PSG11: variants seen among roughly 807,000 people sequenced by gnomAD.
The protein encoded by PSG11 is pregnancy-specific beta-1-glycoprotein 11.
In PSG11, 42 loss-of-function variants were observed where a neutral mutation model predicts 36.0. That is an observed-to-expected ratio of 1.17 (90% CI 0.91 to 1.51). The LOEUF (loss-of-function observed/expected upper bound fraction) is 1.51. Ranked by LOEUF, PSG11 falls within the 40% of genes most tolerant of loss-of-function variation. PSG11 has a pLI of 0.00. For missense variants in PSG11, 558 were observed against 403.5 expected (o/e 1.38, Z -3.28); for synonymous variants, 206 against 153.5 (o/e 1.34, Z -2.53).
chr19:43,026,338 T>TG lies in PSG11; in HGVS notation c.34dup (p.His12ProfsTer28). 1 of 1,611,212 alleles carries TG rather than the reference T, an allele frequency of 6.2e-7. No homozygotes were observed. Among genetic ancestry groups the TG allele is most frequent in the East Asian group, 2.2e-5 (1 of 44,710 alleles). ...GAGCAGGAGCCCCTTCCATTTGATG[T>TG]GCTCTGTGCAGGGAGGGGCTGAGAG... On this transcript the variant is annotated frameshift_variant, in exon 1 of 6. Transcript: ENST00000320078. LOFTEE classifies it high-confidence loss of function.
At position 43,014,774 on chromosome 19, in the gene PSG11, G is replaced by A. The variant is rs1966915464; in HGVS notation, c.964+342C>T. ...GGAAGAGGTACAAGAAAACAAAGACGTGACAGAAGGGGATGAGTTGGTGAC... is the reference window on the plus strand; with the variant it reads ...GGAAGAGGTACAAGAAAACAAAGACATGACAGAAGGGGATGAGTTGGTGAC... On this transcript the variant is annotated intron_variant, in intron 4 of 5. Transcript: ENST00000320078. The A allele has an allele frequency of 7.4e-6, 9 of 1,212,376 alleles. 1 individual carries two copies. The highest frequency in any genetic ancestry group is 6.2e-5 in the African/African-American group (4 of 64,080). 75.1% of individuals were successfully genotyped at this position (1,212,376 alleles called of 1,614,324 possible).
At position 43,011,883 on chromosome 19, in the gene PSG11, G is replaced by T. The variant is rs993219763; in HGVS notation, c.965-1842C>A. On this transcript the variant is annotated intron_variant, in intron 4 of 5. Coordinates refer to ENST00000320078, the MANE Select transcript of PSG11 (RefSeq NM_002785.3). ...TCCATCCTGGGCTGGCCTACAGAGTGAGAGTCTGTCTCTCTCTCTTAAAAA... is the reference window on the plus strand; with the variant it reads ...TCCATCCTGGGCTGGCCTACAGAGTTAGAGTCTGTCTCTCTCTCTTAAAAA... 2.0e-5 allele frequency among the ~76,000 whole-genome samples: 3 copies of T among 147,146 alleles called. 1 individual carries two copies. Among genetic ancestry groups the T allele is most frequent in the African/African-American group, 7.6e-5 (3 of 39,466 alleles).
intron 4 of PSG11, among the ~76,000 whole-genome samples, chr19:43,012,529 T>C (rs1275345671): frequency 6.7e-6 from 1 of 149,280 alleles, no homozygotes; most frequent in Non-Finnish European, 1.5e-5. Flanking sequence ...TTAAGAAAAA[T>C]AATTTCAATT....
chr19:43,015,452 C>G (rs1407008885), intron 3 of PSG11, 82 bp from the exon 4 acceptor site: 2 of 1,488,280 alleles, frequency 1.3e-6, no homozygotes, highest in Non-Finnish European at 1.8e-6. Context: ...ACACAGTGAC[C>G]CTCTGAGCCA....
chr19:43,021,117 A>T (rs1463649814), intron 2 of PSG11, among the ~76,000 whole-genome samples: 1 of 151,472 alleles, frequency 6.6e-6, no homozygotes, highest in African/African-American at 2.4e-5. Flanking sequence ...ATTCCTCTTA[A>T]GTATGTGTTA....
intron 4 of PSG11, among the ~76,000 whole-genome samples, chr19:43,012,216 G>T (rs562209254): frequency 1.3e-5 from 2 of 151,338 alleles, no homozygotes; most frequent in East Asian, 1.9e-4. Context: ...AAGACTGAAA[G>T]CTTCCCCTCT....
intron 2 of PSG11, among the ~76,000 whole-genome samples, chr19:43,020,223 TAAAAC>T (rs1426495626): frequency 6.6e-6 from 1 of 151,496 alleles, no homozygotes; most frequent in East Asian, 1.9e-4. Context: ...GCAGAAAGGT[TAAAAC>T]AAAGTGTTTT....
At chr19:43,013,743 C>T (rs1966888553) in intron 4 of PSG11, among the ~76,000 whole-genome samples, 2 of 151,270 alleles carry the variant, frequency 1.3e-5, no homozygotes, top group South Asian at 2.1e-4. Flanking sequence ...CAATGAATTA[C>T]CATTTGATCC....
rs112033008 is a variant in PSG11 at position 43,018,966 on chromosome 19, A to G, written c.513T>C (p.Pro171=). ...AMETVILTCN[P]ETPDASYLWW... ...ACAGGTAGCTTGCGTCCGGAGTCTC[A>G]GGATTACAGGTTAAGATCACAGTCT... The change falls in exon 3 of 6, where the codon CCT becomes CCC. Residue 171 remains proline, a synonymous_variant. Transcript: ENST00000320078. 54 of 1,612,010 alleles carry G rather than the reference A, an allele frequency of 3.3e-5. 1 individual carries two copies. In the African/African-American group the frequency reaches 5.9e-4, roughly 18 times the overall value.
rs757225936 is a variant in PSG11 at position 43,025,073 on chromosome 19, G to A, written c.65-17C>T. 83 of 1,603,812 alleles carry A rather than the reference G, an allele frequency of 5.2e-5. 1 individual carries two copies. The highest frequency in any genetic ancestry group is 6.8e-5 in the African/African-American group (5 of 73,914). Reference sequence around the variant, plus strand: ...AAAGTAATGCTAGGAGGTGGAGAGAGCATCAGTCAATATTGAGACCTATGT... The same window carrying A: ...AAAGTAATGCTAGGAGGTGGAGAGAACATCAGTCAATATTGAGACCTATGT... On this transcript the variant is annotated splice_polypyrimidine_tract_variant and intron_variant, in intron 1 of 5. Transcript: ENST00000320078.
Position 43,023,102 on chromosome 19 carries a change from A to G in PSG11, c.430+1589T>C, listed in dbSNP as rs966083344. 2.7e-5 allele frequency among the ~76,000 whole-genome samples: 4 copies of G among 150,784 alleles called. 1 individual carries two copies. The highest frequency in any genetic ancestry group is 9.8e-5 in the African/African-American group (4 of 40,744). On this transcript the variant is annotated intron_variant, in intron 2 of 5. Coordinates refer to ENST00000320078, the MANE Select transcript of PSG11 (RefSeq NM_002785.3). ...GCCCCCAGTTCCACAGTCCAGGACCAAGGAGCCCCGAGAACCCTCTGGTGG... is the reference window on the plus strand; with the variant it reads ...GCCCCCAGTTCCACAGTCCAGGACCGAGGAGCCCCGAGAACCCTCTGGTGG...
At chr19:43,019,267 T>C in intron 2 of PSG11, 1 of 1,055,778 alleles carries the variant, frequency 9.5e-7, no homozygotes, top group East Asian at 2.8e-5. Context: ...CTTTCTCAGG[T>C]GTGAATTGAG....
In PSG11 at chr19:43,018,987, A is replaced by T; in HGVS notation, c.492T>A (p.Thr164=). ...TCTCAGGATTACAGGTTAAGATCAC[A>T]GTCTCCATGGCCTCCCTGGGGTTTA... ...SNLNPREAME[T]VILTCNPETP... The change falls in exon 3 of 6, where the codon ACT becomes ACA. Residue 164 remains threonine (T), a synonymous_variant. Transcript: ENST00000320078. 1 of 1,612,110 alleles carries T rather than the reference A, an allele frequency of 6.2e-7. No homozygotes were observed. The highest frequency in any genetic ancestry group is 8.5e-7 in the Non-Finnish European group (1 of 1,179,160).
chr19:43,015,796 C>A (rs554956129), intron 3 of PSG11: 4 of 1,610,192 alleles, frequency 2.5e-6, no homozygotes, highest in African/African-American at 2.7e-5. Context: ...TGAGTCACTG[C>A]GGATGCCACC....
chr19:43,014,346 T>G (rs1331857613), intron 4 of PSG11: 1 of 918,954 alleles, frequency 1.1e-6, no homozygotes, highest in African/African-American at 1.8e-5. Context: ...GGGGTGAATC[T>G]TCCTATTTCT....
rs1309194850 is a variant in PSG11 at position 43,026,453 on chromosome 19, C to T, written c.-81G>A. On this transcript the variant is annotated 5_prime_UTR_variant, in exon 1 of 6. Transcript: ENST00000320078. Reference sequence around the variant, plus strand: ...TTCCAGAGCACGGCTGTCAGCTGTGCTGTCCTTCCTCCTTCTGCGCTGAGA... The same window carrying T: ...TTCCAGAGCACGGCTGTCAGCTGTGTTGTCCTTCCTCCTTCTGCGCTGAGA... The T allele has an allele frequency of 1.9e-5, 30 of 1,552,046 alleles. No homozygotes were observed. In the South Asian group the frequency reaches 3.1e-4, roughly 16 times the overall value.
At chr19:43,019,899 A>G (rs894799273) in intron 2 of PSG11, among the ~76,000 whole-genome samples, 8 of 151,490 alleles carry the variant, frequency 5.3e-5, no homozygotes, top group East Asian at 1.9e-4. Flanking sequence ...ACATGAACTG[A>G]TGATGGAAGT....
At chr19:43,017,938 T>C (rs1967006506) in intron 3 of PSG11, among the ~76,000 whole-genome samples, 1 of 151,404 alleles carries the variant, frequency 6.6e-6, no homozygotes, top group Admixed American at 6.6e-5. Context: ...GTCTAAAGAA[T>C]GATCTAGAAA....
intron 1 of PSG11, 61 bp from the exon 2 acceptor site, chr19:43,025,117 G>A (rs1967208364): frequency 1.3e-6 from 2 of 1,560,452 alleles, no homozygotes; most frequent in Non-Finnish European, 1.7e-6. Flanking sequence ...GAAAAGATGG[G>A]GCCCTGAGTC....
Sources: allele counts gnomAD v4.1 joint callset (sites outside exome capture counted in the v4.1 genomes callset), GRCh38; gene constraint gnomAD v4.1.1; transcripts MANE v1.5; gene names NCBI Gene and HGNC (gene_info 2026-07-23, HGNC 2026-07-21).